Variants in CFHR5 observed in about 807,000 individuals in gnomAD.
CFHR5 encodes complement factor H related 5, also known as complement factor H-related protein 5.
A neutral mutation model predicts 62.9 loss-of-function variants in CFHR5; 73 were observed. The observed-to-expected ratio is 1.16, with a 90% CI of 0.96 to 1.41. CFHR5 has a LOEUF of 1.41. CFHR5 is among the 40% of genes most tolerant of loss of function. The pLI, the probability that CFHR5 is intolerant of heterozygous loss-of-function variation, is 0.00. For synonymous variants in CFHR5, 249 were observed against 227.2 expected, an observed-to-expected ratio of 1.10 and a Z score of -0.86; for missense variants, 779 against 679.9, an observed-to-expected ratio of 1.15 and a Z score of -1.62.
intron 8 of CFHR5, 87 bp downstream of exon 8, chr1:197,002,751 G>A: frequency 8.9e-7 from 1 of 1,119,622 alleles, no homozygotes; most frequent in Non-Finnish European, 1.3e-6. Flanking sequence ...AAGAACTTAT[G>A]ACTAATCTGT....
chr1:197,002,734 AAG>A lies in CFHR5; in HGVS notation c.1330+72_1330+73del, dbSNP rs1342200054. ...TAATCCCCTTTGCTTTATCTAAAGA[AAG>A]AAACAAGAACTTATGACTAATCTGT... On this transcript the variant is annotated intron_variant, in intron 8 of 9. Coordinates refer to ENST00000256785, the MANE Select transcript of CFHR5 (RefSeq NM_030787.4). 49 of 1,278,304 alleles carry A rather than the reference AAG, an allele frequency of 3.8e-5. No homozygotes were observed. In the African/African-American group the frequency reaches 6.5e-4, roughly 17 times the overall value. 79.2% of individuals were successfully genotyped at this position (1,278,304 alleles called of 1,614,324 possible).
At position 197,009,540 on chromosome 1, in the gene CFHR5, A is replaced by G. The variant is rs1480401865; in HGVS notation, c.*857A>G. 6.6e-6 allele frequency: 1 copy of G among 152,178 alleles called. No individual in the cohort carries two copies. The highest frequency in any genetic ancestry group is 2.4e-5 in the African/African-American group (1 of 41,432). 9.4% of individuals were successfully genotyped at this position (152,178 alleles called of 1,614,324 possible). A position where few individuals can be genotyped will look rare whatever the true frequency, so the allele number is the denominator to read the frequency against. On this transcript the variant is annotated 3_prime_UTR_variant, in exon 10 of 10. Coordinates refer to ENST00000256785, the MANE Select transcript of CFHR5 (RefSeq NM_030787.4). ...TCTATCTTCATGTTATTATCACTTA[A>G]AAACCTGCGAAAGCTGTCAACTTTT...
chr1:196,988,582 G>A (rs548698417), intron 3 of CFHR5, among the ~76,000 whole-genome samples: 10 of 152,202 alleles, frequency 6.6e-5, no homozygotes, highest in Admixed American at 2.0e-4. Flanking sequence ...AGCATGAAGC[G>A]CTGTTGAATT....
chr1:197,007,661 A>C (rs935243342), intron 9 of CFHR5, among the ~76,000 whole-genome samples: 26 of 148,520 alleles, frequency 1.8e-4, no homozygotes, highest in African/African-American at 6.1e-4. Flanking sequence ...ACATATACAT[A>C]TGTAACATAT....
rs548874653 is a variant in CFHR5 at position 196,977,643 on chromosome 1, T to C, written c.-22T>C. On this transcript the variant is annotated 5_prime_UTR_variant, in exon 1 of 10. Transcript: ENST00000256785. ...ACCATCACTGGAGTATTTTTAGTTA[T>C]ATACGATTGAGACTACCAAGCATGT... 10 of 1,592,322 alleles carry C rather than the reference T, an allele frequency of 6.3e-6. No homozygotes were observed. The Admixed American group carries it at 1.0e-4, about 16-fold the overall frequency.
intron 1 of CFHR5, among the ~76,000 whole-genome samples, chr1:196,978,057 A>C (rs767875700): frequency 9.2e-5 from 14 of 152,140 alleles, no homozygotes; most frequent in Non-Finnish European, 2.1e-4. Context: ...AATGCCACTG[A>C]CTAGAAAAAT....
Position 196,998,150 on chromosome 1 carries a change from CA to C in CFHR5, c.997del (p.Ile333Ter). ...TAGCAACACACCAACTTAAGAGGTG[CA>C]AAATAGCAGGAGTTAATATAAAAAC... is the stretch of plus-strand genomic sequence containing the variant. The part of the protein sequence containing the change: ...CVATHQLKRC[K>X]IAGVNIKTLL... On this transcript the variant is annotated frameshift_variant, in exon 7 of 10. Transcript: ENST00000256785. LOFTEE classifies it high-confidence loss of function. 2 of 1,559,064 alleles carry C rather than the reference CA, an allele frequency of 1.3e-6. No homozygotes were observed. Among genetic ancestry groups the C allele is most frequent in the Non-Finnish European group, 1.7e-6 (2 of 1,148,924 alleles).
intron 1 of CFHR5, among the ~76,000 whole-genome samples, chr1:196,980,813 A>T (rs893168121): frequency 6.6e-5 from 10 of 152,154 alleles, no homozygotes; most frequent in African/African-American, 2.4e-4. Flanking sequence ...TCTAAAGGAT[A>T]GGTAGAATAC....
At chr1:196,987,681 G>A (rs1653729547) in intron 3 of CFHR5, among the ~76,000 whole-genome samples, 1 of 152,092 alleles carries the variant, frequency 6.6e-6, no homozygotes, top group African/African-American at 2.4e-5. Flanking sequence ...GTAGATGTGT[G>A]GTGTTATTTC....
rs1342910821 is a variant in CFHR5, at chr1:196,982,811, G to A, written c.59-74G>A. The A allele has an allele frequency of 3.6e-6, 5 of 1,383,332 alleles. No individual in the cohort carries two copies. In the Admixed American group the frequency reaches 8.5e-5, roughly 24 times the overall value. 85.7% of individuals were successfully genotyped at this position (1,383,332 alleles called of 1,614,324 possible). On this transcript the variant is annotated intron_variant, in intron 1 of 9. Transcript: ENST00000256785. The stretch of plus-strand genomic sequence containing the variant: ...TGAAAAACAAAACTATAAATGAGAT[G>A]ACTAAAATATAATCTAGTGATTCAT...
At chr1:196,979,735 A>T (rs1653489248) in intron 1 of CFHR5, among the ~76,000 whole-genome samples, 1 of 151,948 alleles carries the variant, frequency 6.6e-6, no homozygotes, top group Non-Finnish European at 1.5e-5. Context: ...TTTTATTTAT[A>T]TATTTATTTC....
rs760153014 is a variant in CFHR5 at position 196,982,879 on chromosome 1, TCC to T, written c.59-4_59-3del. Reference sequence around the variant, plus strand: ...TAATTCTTCAGTTTTGTGTTATTTTTCCCAGGAACACTTTGTGATTTTCCAAA... The same window carrying T: ...TAATTCTTCAGTTTTGTGTTATTTTTCAGGAACACTTTGTGATTTTCCAAA... On this transcript the variant is annotated splice_region_variant and splice_polypyrimidine_tract_variant and intron_variant, in intron 1 of 9. Coordinates refer to ENST00000256785, the MANE Select transcript of CFHR5 (RefSeq NM_030787.4). 6.2e-7 allele frequency: 1 copy of T among 1,612,286 alleles called. No individual in the cohort carries two copies. Among genetic ancestry groups the T allele is most frequent in the Admixed American group, 1.7e-5 (1 of 60,008 alleles).
At chr1:196,989,558 T>C (rs1013328602) in intron 3 of CFHR5, among the ~76,000 whole-genome samples, 4 of 152,212 alleles carry the variant, frequency 2.6e-5, no homozygotes, top group Non-Finnish European at 5.9e-5. Flanking sequence ...CCAGAGATTC[T>C]GGTAAGTTGT....
upstream of CFHR5, among the ~76,000 whole-genome samples, chr1:196,977,235 G>C (rs1221751463): frequency 6.6e-6 from 1 of 151,098 alleles, no homozygotes; most frequent in Non-Finnish European, 1.5e-5. Context: ...GTTGTATTAA[G>C]ATGAGGACTG....
At chr1:196,991,660 A>T (rs554086328) in intron 3 of CFHR5, among the ~76,000 whole-genome samples, 1 of 152,312 alleles carries the variant, frequency 6.6e-6, no homozygotes, top group East Asian at 1.9e-4. Flanking sequence ...CTGGAGGTCC[A>T]GTCCAGACCC....
At chr1:196,999,951 C>A (rs1352388382) in intron 7 of CFHR5, among the ~76,000 whole-genome samples, 4 of 151,100 alleles carry the variant, frequency 2.6e-5, no homozygotes, top group African/African-American at 9.7e-5. Context: ...GTATTTCCAA[C>A]TAATCCAAGA....
At position 197,008,599 on chromosome 1, in the gene CFHR5, A is replaced by G. The variant is rs1654354378; in HGVS notation, c.1626A>G (p.Lys542=). The change falls in exon 10 of 10, where the codon AAA becomes AAG. Residue 542 remains lysine (K), a synonymous_variant. Coordinates refer to ENST00000256785, the MANE Select transcript of CFHR5 (RefSeq NM_030787.4). ...GGGATGCTGTTGAATTCCAGTGTAA[A>G]TTCCCACATAAAGCGATGATATCAT... The part of the protein sequence containing the change: ...KTGDAVEFQC[K]FPHKAMISSP... 1.2e-6 allele frequency: 2 copies of G among 1,613,736 alleles called. No individual in the cohort carries two copies. Among genetic ancestry groups the G allele is most frequent in the Non-Finnish European group, 1.7e-6 (2 of 1,179,802 alleles).
In CFHR5 at chr1:196,977,728, T is replaced by C. The variant is rs781764458; in HGVS notation, c.58+6T>C. 7.5e-6 allele frequency: 12 copies of C among 1,606,592 alleles called. No homozygotes were observed. The South Asian group carries it at 1.3e-4, about 18-fold the overall frequency. ...ATCCACTGTTGGGGGAGAAGGTAAG[T>C]TGAAAACAGATCCGAATATTTTAGT... On this transcript the variant is annotated splice_donor_region_variant and intron_variant, in intron 1 of 9. Transcript: ENST00000256785.
intron 8 of CFHR5, among the ~76,000 whole-genome samples, chr1:197,003,178 T>C (rs1249482627): frequency 1.3e-5 from 2 of 152,160 alleles, no homozygotes; most frequent in Non-Finnish European, 2.9e-5. Context: ...CTAGGTCCCT[T>C]GCATGTGCAG....
Sources: gnomAD v4.1 joint callset for allele counts (sites outside exome capture counted in the v4.1 genomes callset) on GRCh38, gnomAD v4.1.1 for gene constraint, MANE v1.5 for transcripts, NCBI Gene and HGNC (gene_info 2026-07-23, HGNC 2026-07-21) for gene names.